The following NOS2 variants were observed in gnomAD, a reference collection of about 807,000 sequenced individuals.
NOS2 encodes the protein nitric oxide synthase 2.
Under a neutral mutation model 136.0 loss-of-function variants are expected in NOS2, and 96 were observed. That is an observed-to-expected ratio of 0.71 (90% confidence interval 0.60 to 0.84). The LOEUF is 0.84. Ranked by LOEUF, NOS2 falls within the 40% of genes least tolerant of loss-of-function variation. NOS2 has a pLI of 0.00. For missense variants in NOS2, 1,237 were observed against 1,496.9 expected, an observed-to-expected ratio of 0.83 and a Z score of 2.87; for synonymous variants, 539 against 587.5, an observed-to-expected ratio of 0.92 and a Z score of 1.20.
rs200236235 is a variant in NOS2 at position 27,771,029 on chromosome 17, C to T, written c.1705-12G>A. 8 of 1,604,898 alleles carry T rather than the reference C, an allele frequency of 5.0e-6. No homozygotes were observed. The Admixed American group carries it at 6.7e-5, about 13-fold the overall frequency. ...TCCATGCAGACAACCTGGATGGCACCCAAGTGGACATCAGCCCTCGGCTCC... is the reference window on the plus strand; with the variant it reads ...TCCATGCAGACAACCTGGATGGCACTCAAGTGGACATCAGCCCTCGGCTCC... On this transcript the variant is annotated splice_polypyrimidine_tract_variant and intron_variant, in intron 14 of 26. Transcript: ENST00000313735.
Position 27,781,012 on chromosome 17 carries a change from G to A in NOS2, c.864+24C>T, listed in dbSNP as rs41323846. The A allele has an allele frequency of 6.0e-3, 9,706 of 1,608,984 alleles. 36 individuals carry two copies. Among genetic ancestry groups the A allele is most frequent in the Non-Finnish European group, 7.0e-3 (8,269 of 1,176,854 alleles). ...CACGGGGCTCCCCGCCCCAATGGCC[G>A]GTGGCTGAGGCTGGGCCGGGTACCT... On this transcript the variant is annotated intron_variant, in intron 8 of 26. Coordinates refer to ENST00000313735, the MANE Select transcript of NOS2 (RefSeq NM_000625.4).
chr17:27,760,394 CA>C (rs2151324523), intron 24 of NOS2, among the ~76,000 whole-genome samples: 1 of 152,374 alleles, frequency 6.6e-6, no homozygotes, highest in South Asian at 2.1e-4. Flanking sequence ...AATCGGAGAT[CA>C]AAAGCAGGGA....
intron 18 of NOS2, among the ~76,000 whole-genome samples, chr17:27,767,204 G>T (rs1337605945): frequency 6.6e-6 from 1 of 152,196 alleles, no homozygotes; most frequent in African/African-American, 2.4e-5. Context: ...ATCTTAGACA[G>T]GGCACAGGGC....
intron 23 of NOS2, 107 bp downstream of exon 23, chr17:27,761,037 G>C (rs1229793138): frequency 2.7e-6 from 3 of 1,091,718 alleles, no homozygotes; most frequent in Non-Finnish European, 3.9e-6. Flanking sequence ...CCTTCTTTAT[G>C]GGCCAAGGGG....
chr17:27,793,441 A>G (rs1000084421), intron 2 of NOS2: 4 of 391,064 alleles, frequency 1.0e-5, no homozygotes, highest in South Asian at 1.4e-4. Context: ...AAGCGTTCTA[A>G]AAGAGGAAAA....
At chr17:27,765,356 G>A (rs1398225280) in intron 20 of NOS2, among the ~76,000 whole-genome samples, 179 bp downstream of exon 20, 1 of 152,230 alleles carries the variant, frequency 6.6e-6, no homozygotes, top group African/African-American at 2.4e-5. Context: ...AAGGCCAGGG[G>A]GCCATGCCTT....
intron 2 of NOS2, among the ~76,000 whole-genome samples, chr17:27,792,190 A>G (rs1260347850): frequency 6.6e-6 from 1 of 152,234 alleles, no homozygotes; most frequent in Non-Finnish European, 1.5e-5. Flanking sequence ...CCCATTGTCC[A>G]TGGCTGGATG....
chr17:27,778,026 T>C (rs1460474266), intron 11 of NOS2, among the ~76,000 whole-genome samples: 3 of 147,984 alleles, frequency 2.0e-5, no homozygotes, highest in Non-Finnish European at 4.5e-5. Context: ...CCGAGTGAGA[T>C]GATGTCTCAA....
intron 2 of NOS2, among the ~76,000 whole-genome samples, chr17:27,797,638 T>C (rs908542574): frequency 1.3e-5 from 2 of 152,126 alleles, no homozygotes; most frequent in Non-Finnish European, 2.9e-5. Flanking sequence ...TCTGGGGCGG[T>C]GGGGTTGTGT....
At chr17:27,798,964 G>T in intron 1 of NOS2, 82 bp from the exon 2 acceptor site, 2 of 611,900 alleles carry the variant, frequency 3.3e-6, no homozygotes, top group South Asian at 2.0e-5. Context: ...GCTCACTGGG[G>T]AATCGATATG....
intron 17 of NOS2, among the ~76,000 whole-genome samples, chr17:27,768,434 G>A (rs1908382053): frequency 6.6e-6 from 1 of 152,216 alleles, no homozygotes. Flanking sequence ...TGTTCCTGGT[G>A]TGGAGCCACA....
chr17:27,760,481 C>A, intron 24 of NOS2, 142 bp downstream of exon 24: 4 of 1,136,984 alleles, frequency 3.5e-6, no homozygotes, highest in Non-Finnish European at 5.0e-6. Flanking sequence ...CCATTCTAAC[C>A]CGCAGAGGCC....
At chr17:27,770,199 G>A (rs945351675) in intron 15 of NOS2, among the ~76,000 whole-genome samples, 4 of 152,158 alleles carry the variant, frequency 2.6e-5, no homozygotes, top group African/African-American at 9.7e-5. Flanking sequence ...AACAAAGATA[G>A]CTGAGCACGG....
At chr17:27,785,845 G>C (rs1311400709) in intron 5 of NOS2, among the ~76,000 whole-genome samples, 1 of 151,156 alleles carries the variant, frequency 6.6e-6, no homozygotes, top group East Asian at 1.9e-4. Context: ...TGTGGTCCCA[G>C]CTCCTCAGGA....
At chr17:27,793,979 G>GT (rs1161539102) in intron 2 of NOS2, among the ~76,000 whole-genome samples, 2 of 152,214 alleles carry the variant, frequency 1.3e-5, no homozygotes, top group African/African-American at 4.8e-5. Context: ...TGGGCCTCGT[G>GT]TTTGTTTATT....
chr17:27,794,713 C>CACACAA (rs1567643983), intron 2 of NOS2, among the ~76,000 whole-genome samples: 18 of 135,580 alleles, frequency 1.3e-4, no homozygotes, highest in African/African-American at 5.2e-4. Flanking sequence ...CACACACACG[C>CACACAA]GCACACACAC....
intron 26 of NOS2, 80 bp from the exon 27 acceptor site, chr17:27,757,433 T>C (rs1052386941): frequency 5.0e-5 from 55 of 1,095,866 alleles, no homozygotes; most frequent in Non-Finnish European, 7.5e-5. Flanking sequence ...CCCTATCACA[T>C]GGACCTTCAT....
rs1407809861 is a variant in NOS2, at chr17:27,782,948, A to C, written c.626T>G (p.Leu209Arg). 6.2e-7 allele frequency: 1 copy of C among 1,614,080 alleles called. No homozygotes were observed. Among genetic ancestry groups the C allele is most frequent in the Non-Finnish European group, 8.5e-7 (1 of 1,180,020 alleles). The change falls in exon 6 of 27, where the codon CTG (leucine) becomes CGG (arginine). Residue 209 changes from leucine (L) to arginine (R), a missense_variant. Leu to Arg is a moderately radical substitution (Grantham distance 102). Around this residue, in one of 3 missense-constraint regions of NOS2, gnomAD observed 440 missense variants for 545.4 expected, o/e 0.81. Coordinates refer to ENST00000313735, the MANE Select transcript of NOS2 (RefSeq NM_000625.4). ...CTCAAGTCTAAGGAAGTTCACCTGC[A>C]GGTTGGACCACTGGATCCTCCCAAT... ...RCIGRIQWSN[L>R]QVFDARSCST... is the part of the protein sequence containing the mutation.
In NOS2 at chr17:27,760,065, G is replaced by A. The variant is rs1296805678; in HGVS notation, c.3124C>T (p.His1042Tyr). ...CCAGGCAGGCGGGAATAGGCTGTGTGCACCGCATGCAGCACCCCCTTCTGG... is the reference window on the plus strand; with the variant it reads ...CCAGGCAGGCGGGAATAGGCTGTGTACACCGCATGCAGCACCCCCTTCTGG... ...MAQKGVLHAVHTAYSRLPGKP... is the reference protein window; with the variant it reads ...MAQKGVLHAVYTAYSRLPGKP... The change falls in exon 25 of 27, where the codon CAC becomes TAC. Residue 1042 changes from histidine to tyrosine, a missense_variant. His to Tyr is a moderately conservative substitution (Grantham distance 83, BLOSUM62 2). Around this residue, in one of 3 missense-constraint regions of NOS2, gnomAD observed 782 missense variants for 909.9 expected, o/e 0.86. Transcript: ENST00000313735. 1.3e-6 allele frequency: 2 copies of A among 1,590,502 alleles called. No individual in the cohort carries two copies. The highest frequency in any genetic ancestry group is 1.8e-5 in the Admixed American group (1 of 55,736).
Sources: allele counts gnomAD v4.1 joint callset (sites outside exome capture counted in the v4.1 genomes callset), GRCh38; gene constraint gnomAD v4.1.1; regional missense constraint gnomAD v4.1.1; transcripts MANE v1.5; gene names NCBI Gene and HGNC (gene_info 2026-07-23, HGNC 2026-07-21).